Variants in ULK2 observed in about 807,000 individuals in gnomAD.
ULK2 encodes unc-51 like autophagy activating kinase 2, also known as serine/threonine-protein kinase ULK2.
A neutral mutation model predicts 127.5 loss-of-function variants in ULK2; 76 were observed. The ratio of observed to expected loss-of-function variants is 0.60; its 90% CI spans 0.50 to 0.72. The LOEUF is 0.72. Ranked by LOEUF, ULK2 falls within the 30% of genes least tolerant of loss-of-function variation. The pLI, the probability that ULK2 is intolerant of heterozygous loss-of-function variation, is 0.00. For synonymous variants in ULK2, 452 were observed against 461.9 expected (o/e 0.98, Z 0.28); for missense variants, 1,144 against 1,295.9 (o/e 0.88, Z 1.80).
rs768092997 is a variant in ULK2, at chr17:19,786,081, C to A, written c.2107G>T (p.Ala703Ser). 1.1e-4 allele frequency: 164 copies of A among 1,559,868 alleles called. 3 individuals carry two copies. The South Asian group carries it at 2.0e-3, about 19-fold the overall frequency. ...NTERPMDIAP[A>S]GACGGVLAPP... Reference sequence around the variant, plus strand: ...GCCAGAACACCACCACAGGCTCCTGCCGGAGCTACAACAAAAAGTTTATAG... The same window carrying A: ...GCCAGAACACCACCACAGGCTCCTGACGGAGCTACAACAAAAAGTTTATAG... The change falls in exon 21 of 27, where the codon GCA becomes TCA. Residue 703 changes from alanine (A) to serine (S), a missense_variant. Around this residue, in one of 2 missense-constraint regions of ULK2, gnomAD observed 913 missense variants for 970.5 expected, o/e 0.94. Transcript: ENST00000395544.
chr17:19,779,256 C>T (rs941724628), intron 25 of ULK2, among the ~76,000 whole-genome samples: 1 of 152,072 alleles, frequency 6.6e-6, no homozygotes, highest in African/African-American at 2.4e-5. Context: ...GCATGCCGGG[C>T]ACAGTGGCTC....
chr17:19,833,288 C>T (rs936933499), intron 10 of ULK2, among the ~76,000 whole-genome samples: 2 of 151,894 alleles, frequency 1.3e-5, no homozygotes, highest in African/African-American at 2.4e-5. Context: ...CACAGGGGAA[C>T]GAAGCAGTCA....
chr17:19,804,820 G>C lies in ULK2; in HGVS notation c.1168C>G (p.Pro390Ala). 6.2e-7 allele frequency: 1 copy of C among 1,611,322 alleles called. No individual in the cohort carries two copies. Among genetic ancestry groups the C allele is most frequent in the Non-Finnish European group, 8.5e-7 (1 of 1,178,932 alleles). ...EFLVCGGQCQPTVSPHSETAP... is the reference protein window; with the variant it reads ...EFLVCGGQCQATVSPHSETAP... ...GTTTCGCTGTGAGGTGACACAGTAG[G>C]CTGACACTGCCTGCAATCGTAATTT... The change falls in exon 15 of 27, where the codon CCT (proline) becomes GCT (alanine). Residue 390 changes from proline to alanine, a missense_variant. Transcript: ENST00000395544.
intron 7 of ULK2, among the ~76,000 whole-genome samples, chr17:19,844,582 T>C (rs1470524823): frequency 6.6e-6 from 1 of 151,882 alleles, no homozygotes; most frequent in Non-Finnish European, 1.5e-5. Context: ...TAAAATTATA[T>C]ATAAGCAGTA....
In ULK2 at chr17:19,809,732, C is replaced by CGAAAAAAAAAAAAAAAAAAAAAAAA. The variant is rs750626905; in HGVS notation, c.1157+645_1157+646insTTTTTTTTTTTTTTTTTTTTTTTTC. 2.2e-5 allele frequency among the ~76,000 whole-genome samples: 2 copies of CGAAAAAAAAAAAAAAAAAAAAAAAA among 90,500 alleles called. 1 individual carries two copies. The allele number at this position is 90,500 out of a possible 152,430, so 59.4% of individuals were successfully genotyped here. On this transcript the variant is annotated intron_variant, in intron 14 of 26. Coordinates refer to ENST00000395544, the MANE Select transcript of ULK2 (RefSeq NM_014683.4). ...TGGGTGACAGGACGAGACTCCGTCT[C>CGAAAAAAAAAAAAAAAAAAAAAAAA]AAAAAAAAAAAAAAAAAAAAAAATT...
At chr17:19,799,361 C>G in intron 17 of ULK2, 134 bp downstream of exon 17, 1 of 720,928 alleles carries the variant, frequency 1.4e-6, no homozygotes, top group Non-Finnish European at 2.0e-6. Flanking sequence ...CACATTAGAC[C>G]AAGATTCTAA....
chr17:19,821,927 C>T (rs1379652978), intron 12 of ULK2, among the ~76,000 whole-genome samples: 1 of 151,672 alleles, frequency 6.6e-6, no homozygotes, highest in African/African-American at 2.4e-5. Context: ...CTCAAGCAAT[C>T]CTCCCACCTT....
chr17:19,862,124 T>A (rs1440538368), intron 3 of ULK2, among the ~76,000 whole-genome samples: 1 of 148,738 alleles, frequency 6.7e-6, no homozygotes, highest in African/African-American at 2.5e-5. Context: ...CGAGATGGAG[T>A]CTGGCTCTGT....
In ULK2 at chr17:19,799,515, G is replaced by T; in HGVS notation, c.1502C>A (p.Ser501Tyr). Residue 501 changes from serine to tyrosine, a missense_variant, in exon 17 of 27, where the codon TCC becomes TAC. By Grantham distance (144) the Ser-to-Tyr change is moderately radical. This residue lies in a region of ULK2 where 913 missense variants were observed against 970.5 expected (regional missense o/e 0.94). Transcript: ENST00000395544. ...CCTACCTGAGGAGTTTCTACTCCTG[G>T]AGTCATGGCCCTGAGGATGCCCACA... ...CCCGHPQGHDSRSRNSSGSPV... is the reference protein window; with the variant it reads ...CCCGHPQGHDYRSRNSSGSPV... The T allele has an allele frequency of 6.3e-7, 1 of 1,583,296 alleles. No individual in the cohort carries two copies. Among genetic ancestry groups the T allele is most frequent in the Non-Finnish European group, 8.5e-7 (1 of 1,169,756 alleles).
At chr17:19,849,916 A>C in intron 3 of ULK2, 142 bp from the exon 4 acceptor site, 1 of 551,520 alleles carries the variant, frequency 1.8e-6, no homozygotes, top group Non-Finnish European at 3.1e-6. Flanking sequence ...GTGAAATTAA[A>C]ATTCCCAACA....
In ULK2 at chr17:19,773,800, G is replaced by T. The variant is rs1597693548; in HGVS notation, c.*2549C>A. ...GGTACCCATTCCAGGCCTCATGTCC[G>T]CTGTATCCAACTCAATTTCCTCTTA... is the stretch of plus-strand genomic sequence containing the variant. On this transcript the variant is annotated 3_prime_UTR_variant, in exon 27 of 27. Transcript: ENST00000395544. 1 of 152,096 alleles carries T rather than the reference G, an allele frequency of 6.6e-6. No homozygotes were observed. The highest frequency in any genetic ancestry group is 6.6e-5 in the Admixed American group (1 of 15,264). 9.4% of individuals were successfully genotyped at this position (152,096 alleles called of 1,614,324 possible).
At chr17:19,835,080 C>G (rs149812750) in intron 10 of ULK2, among the ~76,000 whole-genome samples, 1 of 151,754 alleles carries the variant, frequency 6.6e-6, no homozygotes, top group Admixed American at 6.6e-5. Context: ...AAGGGAAGAG[C>G]GAATGGAGCC....
At chr17:19,813,618 A>G (rs1410570800) in intron 13 of ULK2, among the ~76,000 whole-genome samples, 2 of 152,212 alleles carry the variant, frequency 1.3e-5, no homozygotes, top group Non-Finnish European at 2.9e-5. Context: ...AAATGTGGAT[A>G]TATCAGGACA....
chr17:19,839,030 G>GA lies in ULK2; in HGVS notation c.705-448dup, dbSNP rs764888384. On this transcript the variant is annotated intron_variant, in intron 9 of 26. Coordinates refer to ENST00000395544, the MANE Select transcript of ULK2 (RefSeq NM_014683.4). ...TGGGCGACAGAGCAAGACTCCATCTGAAAAAAAAAAAAAGAAGGAAAAAAA... is the reference window on the plus strand; with the variant it reads ...TGGGCGACAGAGCAAGACTCCATCTGAAAAAAAAAAAAAAGAAGGAAAAAAA... Among the ~76,000 whole-genome samples, 788 of 134,516 alleles carry GA rather than the reference G, an allele frequency of 5.9e-3. 4 individuals are homozygous for GA. Among genetic ancestry groups the GA allele is most frequent in the African/African-American group, 0.017 (617 of 36,780 alleles). 88.2% of individuals were successfully genotyped at this position (134,516 alleles called of 152,430 possible). A position where few individuals can be genotyped will look rare whatever the true frequency, so the allele number is the denominator to read the frequency against.
At chr17:19,836,630 G>A (rs975812632) in intron 10 of ULK2, among the ~76,000 whole-genome samples, 6 of 151,692 alleles carry the variant, frequency 4.0e-5, no homozygotes, top group African/African-American at 1.5e-4. Context: ...AAACAGGCTG[G>A]GCATGGTGGC....
intron 14 of ULK2, among the ~76,000 whole-genome samples, chr17:19,808,031 G>A (rs1202535598): frequency 6.6e-6 from 1 of 152,110 alleles, no homozygotes; most frequent in Non-Finnish European, 1.5e-5. Context: ...GCTTGAACCT[G>A]GGAGGCGGAG....
At position 19,862,293 on chromosome 17, in the gene ULK2, C is replaced by T. The variant is rs553263554; in HGVS notation, c.225+2510G>A. On this transcript the variant is annotated intron_variant, in intron 3 of 26. Transcript: ENST00000395544. The stretch of plus-strand genomic sequence containing the variant: ...TTTATTTTTAGCAGAGACAGAGTTT[C>T]GCCATGTTGGCCAGGCTGGTCTTGA... Among the ~76,000 whole-genome samples the T allele has an allele frequency of 5.9e-5, 9 of 152,056 alleles. 1 individual carries two copies. The highest frequency in any genetic ancestry group is 2.1e-4 in the South Asian group (1 of 4,820).
At chr17:19,840,427 G>A in intron 9 of ULK2, 1 of 483,848 alleles carries the variant, frequency 2.1e-6, no homozygotes, top group South Asian at 1.6e-5. Context: ...CTCTTCTTCT[G>A]GTATTGTGTT....
intron 10 of ULK2, 34 bp downstream of exon 10, chr17:19,838,467 T>G: frequency 6.4e-7 from 1 of 1,556,322 alleles, no homozygotes; most frequent in African/African-American, 1.4e-5. Flanking sequence ...ACAATAAAAT[T>G]AGAAAACATG....
Sources: allele counts gnomAD v4.1 joint callset (sites outside exome capture counted in the v4.1 genomes callset), GRCh38; gene constraint gnomAD v4.1.1; regional missense constraint gnomAD v4.1.1; transcripts MANE v1.5; gene names NCBI Gene and HGNC (gene_info 2026-07-23, HGNC 2026-07-21).